TENM3: variants seen among roughly 807,000 people sequenced by gnomAD.
The protein encoded by TENM3 is teneurin-3.
A neutral mutation model predicts 255.1 loss-of-function variants in TENM3; 63 were observed. The observed-to-expected ratio is 0.25, with a 90% CI of 0.20 to 0.30. The LOEUF is 0.30. Ranked by LOEUF, TENM3 falls within the 10% of genes least tolerant of loss-of-function variation. The pLI is 1.00. For synonymous variants in TENM3, 1,306 were observed against 1,322.3 expected, an observed-to-expected ratio of 0.99 and a Z score of 0.27; for missense variants, 2,929 against 3,461.1, an observed-to-expected ratio of 0.85 and a Z score of 3.86.
intron 3 of TENM3, among the ~76,000 whole-genome samples, chr4:182,483,425 A>C (rs1265404750): frequency 6.6e-6 from 1 of 152,206 alleles, no homozygotes; most frequent in East Asian, 1.9e-4. Context: ...TTAATGTAAG[A>C]GCCTAAAGGA....
At chr4:182,641,441 G>A (rs1241364486) in intron 5 of TENM3, among the ~76,000 whole-genome samples, 1 of 151,980 alleles carries the variant, frequency 6.6e-6, no homozygotes, top group Non-Finnish European at 1.5e-5. Context: ...TTTTTAAAAA[G>A]CCAAAACAAG....
chr4:182,678,049 T>A (rs1398187942), intron 7 of TENM3, among the ~76,000 whole-genome samples: 2 of 152,034 alleles, frequency 1.3e-5, no homozygotes, highest in Non-Finnish European at 2.9e-5. Flanking sequence ...TAATTATTTA[T>A]ATATAGTACT....
chr4:182,126,061 T>C, the TENM3 span, among the ~76,000 whole-genome samples: 1 of 152,144 alleles, frequency 6.6e-6, no homozygotes, highest in Non-Finnish European at 1.5e-5. Flanking sequence ...TTAAAACAAT[T>C]AGTACTAAAA....
chr4:182,307,939 G>C (rs916072246), intron 1 of TENM3, among the ~76,000 whole-genome samples: 1 of 152,214 alleles, frequency 6.6e-6, no homozygotes, highest in African/African-American at 2.4e-5. Flanking sequence ...GTGCCTGCTG[G>C]AACATTCTTG....
In TENM3 at chr4:182,294,035, G is replaced by A. The variant is rs980014804; in HGVS notation, c.-75-29911G>A. Among the ~76,000 whole-genome samples the A allele has an allele frequency of 2.6e-5, 4 of 152,056 alleles. No homozygotes were observed. In the East Asian group the frequency reaches 5.8e-4, roughly 22 times the overall value. On this transcript the variant is annotated intron_variant, in intron 1 of 27. Transcript: ENST00000511685. ...GCGTCCTAGGCCATCACAGGCCCGG[G>A]TAAACTTCAGGATTTCCTCTACCAG...
At chr4:181,763,420 C>T in the TENM3 span, among the ~76,000 whole-genome samples, 2 of 152,044 alleles carry the variant, frequency 1.3e-5, no homozygotes, top group Non-Finnish European at 2.9e-5. Flanking sequence ...AAACAATAAC[C>T]CCTGGACCAA....
intron 1 of TENM3, among the ~76,000 whole-genome samples, chr4:182,286,996 G>A (rs929845956): frequency 5.3e-5 from 8 of 152,196 alleles, no homozygotes; most frequent in South Asian, 2.1e-4. Flanking sequence ...GGGAGGCCAA[G>A]GGAGGAGGAT....
chr4:181,586,018 A>C, the TENM3 span, among the ~76,000 whole-genome samples: 1 of 152,200 alleles, frequency 6.6e-6, no homozygotes, highest in Non-Finnish European at 1.5e-5. Flanking sequence ...CTTTTGCTTT[A>C]ATCATTAGAA....
the TENM3 span, among the ~76,000 whole-genome samples, chr4:181,964,627 G>A: frequency 1.3e-5 from 2 of 151,840 alleles, no homozygotes; most frequent in Admixed American, 6.6e-5. Context: ...CTCAAATTGG[G>A]AATAGGCTGA....
the TENM3 span, among the ~76,000 whole-genome samples, chr4:181,915,515 A>C: frequency 9.9e-5 from 15 of 152,150 alleles, no homozygotes; most frequent in Admixed American, 9.8e-4. Flanking sequence ...ACATGCTGTA[A>C]AAGTGATTCA....
chr4:182,088,409 A>T, the TENM3 span, among the ~76,000 whole-genome samples: 1 of 152,196 alleles, frequency 6.6e-6, no homozygotes, highest in Non-Finnish European at 1.5e-5. Flanking sequence ...AGGAAGGCAG[A>T]TAAAGTGGTA....
the TENM3 span, among the ~76,000 whole-genome samples, chr4:181,957,642 G>T: frequency 6.6e-6 from 1 of 152,140 alleles, no homozygotes; most frequent in African/African-American, 2.4e-5. Context: ...TTACAATGGT[G>T]ATGGGCCACC....
chr4:181,856,087 G>A, the TENM3 span, among the ~76,000 whole-genome samples: 1 of 135,446 alleles, frequency 7.4e-6, no homozygotes, highest in African/African-American at 2.7e-5. Flanking sequence ...AGGAAGGAAG[G>A]AAGGAAAGGG....
chr4:182,256,710 A>G (rs182259764), intron 1 of TENM3, among the ~76,000 whole-genome samples: 1 of 152,230 alleles, frequency 6.6e-6, no homozygotes, highest in African/African-American at 2.4e-5. Context: ...TTTATTTCAG[A>G]TGTTTATTTA....
the TENM3 span, chr4:181,905,885 C>G: frequency 2.0e-6 from 1 of 501,118 alleles, no homozygotes; most frequent in Non-Finnish European, 3.8e-6. Flanking sequence ...CTTTCCTCTT[C>G]TTCATAATTA....
chr4:182,790,369 T>G (rs1281677070), intron 25 of TENM3, among the ~76,000 whole-genome samples: 4 of 152,172 alleles, frequency 2.6e-5, no homozygotes, highest in Admixed American at 6.5e-5. Context: ...ATGTTGTCAC[T>G]GTGCTCCCCT....
the TENM3 span, among the ~76,000 whole-genome samples, chr4:181,793,456 C>T: frequency 6.6e-6 from 1 of 152,302 alleles, no homozygotes; most frequent in East Asian, 1.9e-4. Flanking sequence ...TATCTAAAAG[C>T]ATCAGGAGTC....
At chr4:182,440,759 C>A (rs1000795186) in intron 3 of TENM3, among the ~76,000 whole-genome samples, 2 of 151,530 alleles carry the variant, frequency 1.3e-5, no homozygotes, top group East Asian at 1.9e-4. Context: ...TGGTGACCAG[C>A]TGCTCCTCAC....
At chr4:181,892,437 T>C in the TENM3 span, among the ~76,000 whole-genome samples, 15 of 152,152 alleles carry the variant, frequency 9.9e-5, no homozygotes, top group African/African-American at 3.6e-4. Flanking sequence ...TACAATAGAG[T>C]AATTTTCACC....
Sources: allele counts gnomAD v4.1 joint callset (sites outside exome capture counted in the v4.1 genomes callset), GRCh38; gene constraint gnomAD v4.1.1; transcripts MANE v1.5; gene names NCBI Gene and HGNC (gene_info 2026-07-23, HGNC 2026-07-21).